Variants in BEGAIN observed in about 807,000 individuals in gnomAD.
BEGAIN encodes the protein brain enriched guanylate kinase associated.
A neutral mutation model predicts 35.8 loss-of-function variants in BEGAIN; 19 were observed. The ratio of observed to expected loss-of-function variants is 0.53; its 90% confidence interval spans 0.37 to 0.78. The LOEUF is 0.78. BEGAIN is among the 30% of genes least tolerant of loss of function. The pLI is 0.00. For missense variants in BEGAIN, 795 were observed against 853.6 expected (o/e 0.93, Z 0.85); for synonymous variants, 462 against 388.6 (o/e 1.19, Z -2.22).
chr14:100,557,028 AG>A (rs2033793924), intron 2 of BEGAIN, among the ~76,000 whole-genome samples: 1 of 152,006 alleles, frequency 6.6e-6, no homozygotes, highest in African/African-American at 2.4e-5. Flanking sequence ...GGCAGGCCAA[AG>A]CCAGGCCCCC....
rs1751266504 is a variant in BEGAIN at position 100,563,637 on chromosome 14, C to T, written c.71+4274G>A. 6.6e-6 allele frequency among the ~76,000 whole-genome samples: 1 copy of T among 152,204 alleles called. No individual in the cohort carries two copies. ...CTGGAGGGACAGTGATGGGGAGAAGCGGTTTCAAGAGTCTGTTCCGATCTT... is the reference window on the plus strand; with the variant it reads ...CTGGAGGGACAGTGATGGGGAGAAGTGGTTTCAAGAGTCTGTTCCGATCTT... On this transcript the variant is annotated intron_variant, in intron 2 of 6. Transcript: ENST00000554140. This position sits in a 1 kb window ranked among gnomAD's most constrained non-coding sequence, Gnocchi z 4.2.
chr14:100,577,906 C>T (rs1314310719), intron 1 of BEGAIN: 2 of 399,074 alleles, frequency 5.0e-6, no homozygotes, highest in African/African-American at 4.1e-5. Context: ...CTGCCTGGGA[C>T]AGGTAGGGTT....
intron 5 of BEGAIN, 91 bp from the exon 6 acceptor site, chr14:100,540,670 T>C (rs1411532132): frequency 6.4e-6 from 6 of 938,002 alleles, no homozygotes; most frequent in Admixed American, 2.0e-5. Context: ...GGGGCAGTGG[T>C]GTGCACAGGG....
Position 100,568,344 on chromosome 14 carries a change from C to T in BEGAIN, c.43-405G>A. On this transcript the variant is annotated intron_variant, in intron 1 of 6. Transcript: ENST00000554140. This position sits in a 1 kb window ranked among gnomAD's most constrained non-coding sequence, Gnocchi z 7.5. ...GCCCGTTAACCCTTCCTGCCCCGCG[C>T]TCCCTCCCGGAGGAAGCCGAACCCC... is the stretch of plus-strand genomic sequence containing the variant. 9.6e-7 allele frequency: 1 copy of T among 1,039,072 alleles called. No individual in the cohort carries two copies. Among genetic ancestry groups the T allele is most frequent in the Non-Finnish European group, 1.3e-6 (1 of 773,926 alleles). 64.4% of individuals were successfully genotyped at this position (1,039,072 alleles called of 1,614,324 possible).
chr14:100,566,027 G>A lies in BEGAIN; in HGVS notation c.71+1884C>T, dbSNP rs371823348. On this transcript the variant is annotated intron_variant, in intron 2 of 6. Coordinates refer to ENST00000554140, the MANE Select transcript of BEGAIN (RefSeq NM_001385089.1). The stretch of plus-strand genomic sequence containing the variant: ...ACTGGGGCAGCCCCGACACTGGCCA[G>A]AAGGGAAGATTCTGGAAAAGCCCTT... Among the ~76,000 whole-genome samples the A allele has an allele frequency of 1.4e-4, 21 of 152,378 alleles. 2 individuals are homozygous for A. In the East Asian group the frequency reaches 2.5e-3, roughly 18 times the overall value.
chr14:100,579,901 A>C (rs1264779273), intron 1 of BEGAIN, among the ~76,000 whole-genome samples: 1 of 152,126 alleles, frequency 6.6e-6, no homozygotes, highest in East Asian at 1.9e-4. Flanking sequence ...CTGGTACCAG[A>C]CACTACCATG....
chr14:100,558,827 C>T lies in BEGAIN; in HGVS notation c.71+9084G>A, dbSNP rs989269598. Reference sequence around the variant, plus strand: ...CAGCCCCATGGCAGTCTCAGCTACTCTCATCTGCTCTCAGCCCGAGACCTC... The same window carrying T: ...CAGCCCCATGGCAGTCTCAGCTACTTTCATCTGCTCTCAGCCCGAGACCTC... On this transcript the variant is annotated intron_variant, in intron 2 of 6. Coordinates refer to ENST00000554140, the MANE Select transcript of BEGAIN (RefSeq NM_001385089.1). This position sits in a 1 kb window ranked among gnomAD's most constrained non-coding sequence, Gnocchi z 4.6. Among the ~76,000 whole-genome samples the T allele has an allele frequency of 3.3e-5, 5 of 152,240 alleles. No homozygotes were observed. The highest frequency in any genetic ancestry group is 4.8e-5 in the African/African-American group (2 of 41,460).
At chr14:100,555,425 TTGTG>T (rs1336470534) in intron 2 of BEGAIN, among the ~76,000 whole-genome samples, 2 of 152,242 alleles carry the variant, frequency 1.3e-5, no homozygotes, top group Non-Finnish European at 2.9e-5. Context: ...ACTCTGTCCT[TTGTG>T]TGGCCTGGAA....
At chr14:100,580,899 T>A (rs141716192) in intron 1 of BEGAIN, among the ~76,000 whole-genome samples, 1 of 152,208 alleles carries the variant, frequency 6.6e-6, no homozygotes, top group African/African-American at 2.4e-5. Flanking sequence ...GGAAACAGGA[T>A]GAGAATATAG....
In BEGAIN at chr14:100,576,726, C is replaced by T. The variant is rs141048435; in HGVS notation, c.43-8787G>A. 7.9e-3 allele frequency among the ~76,000 whole-genome samples: 1,199 copies of T among 152,272 alleles called. 17 individuals carry two copies. The highest frequency in any genetic ancestry group is 0.027 in the African/African-American group (1,131 of 41,532). ...GGGGTGCCAGCCCCTGGATGAGGTCCCATTTGCCCGACGCTCTGCACAGCT... is the reference window on the plus strand; with the variant it reads ...GGGGTGCCAGCCCCTGGATGAGGTCTCATTTGCCCGACGCTCTGCACAGCT... On this transcript the variant is annotated intron_variant, in intron 1 of 6. Transcript: ENST00000554140.
At chr14:100,545,128 G>A in intron 3 of BEGAIN, 62 bp from the exon 4 acceptor site, 1 of 1,608,672 alleles carries the variant, frequency 6.2e-7, no homozygotes. Context: ...GACCCTTATG[G>A]CCGCACAGCC....
chr14:100,546,509 C>T lies in BEGAIN; in HGVS notation c.225G>A (p.Lys75=), dbSNP rs1316277116. ...AQEELEKVTE[K]LRRIQSNYMA... is the part of the protein sequence containing the mutation. ...CTCGCCCCGCCCCTCACCTGCGCAG[C>T]TTCTCCGTGACCTTCTCCAGTTCCT... The change falls in exon 3 of 7, where the codon AAG becomes AAA. Residue 75 remains lysine (K), a synonymous_variant. Transcript: ENST00000554140. 1 of 1,544,274 alleles carries T rather than the reference C, an allele frequency of 6.5e-7. No homozygotes were observed. The highest frequency in any genetic ancestry group is 8.7e-7 in the Non-Finnish European group (1 of 1,152,660).
intron 1 of BEGAIN, among the ~76,000 whole-genome samples, chr14:100,572,323 C>T (rs748091606): frequency 1.1e-4 from 16 of 152,214 alleles, no homozygotes; most frequent in Non-Finnish European, 1.8e-4. Context: ...CCCCTAAATC[C>T]GGCTGATTTC....
At chr14:100,565,282 C>T (rs536831748) in intron 2 of BEGAIN, among the ~76,000 whole-genome samples, 1 of 152,310 alleles carries the variant, frequency 6.6e-6, no homozygotes, top group South Asian at 2.1e-4. Flanking sequence ...GAAGGGCATT[C>T]TCTACAGCAG....
At chr14:100,553,232 G>A (rs1166031962) in intron 2 of BEGAIN, among the ~76,000 whole-genome samples, 1 of 152,104 alleles carries the variant, frequency 6.6e-6, no homozygotes, top group African/African-American at 2.4e-5. Context: ...AGGTGCACCT[G>A]TGTCCCGTTC....
chr14:100,568,260 G>T lies in BEGAIN; in HGVS notation c.43-321C>A. 1 of 637,470 alleles carries T rather than the reference G, an allele frequency of 1.6e-6. No homozygotes were observed. Among genetic ancestry groups the T allele is most frequent in the Non-Finnish European group, 2.3e-6 (1 of 439,094 alleles). The allele number at this position is 637,470 out of a possible 1,614,324, so 39.5% of individuals were successfully genotyped here. Reference sequence around the variant, plus strand: ...ATCTCGGCCTCGCCCGGAGGAGGGGGACTCGGCCTGTCCCCGTTAACTCTC... The same window carrying T: ...ATCTCGGCCTCGCCCGGAGGAGGGGTACTCGGCCTGTCCCCGTTAACTCTC... On this transcript the variant is annotated intron_variant, in intron 1 of 6. Coordinates refer to ENST00000554140, the MANE Select transcript of BEGAIN (RefSeq NM_001385089.1). The surrounding 1 kb of genome is among the most constrained non-coding windows in gnomAD (Gnocchi z 7.5).
At chr14:100,578,409 CTG>C (rs2139758051) in intron 1 of BEGAIN, among the ~76,000 whole-genome samples, 1 of 152,366 alleles carries the variant, frequency 6.6e-6, no homozygotes, top group South Asian at 2.1e-4. Flanking sequence ...GCAGGGCAAA[CTG>C]GAACTGCAGC....
chr14:100,576,047 T>G (rs145934627), intron 1 of BEGAIN, among the ~76,000 whole-genome samples: 2 of 152,078 alleles, frequency 1.3e-5, no homozygotes, highest in Non-Finnish European at 2.9e-5. Flanking sequence ...CCTGTGGTCA[T>G]GACTGACTTT....
chr14:100,539,921 C>T (rs763444442), intron 6 of BEGAIN, among the ~76,000 whole-genome samples: 4 of 152,046 alleles, frequency 2.6e-5, no homozygotes, highest in Non-Finnish European at 5.9e-5. Context: ...GGGAAAGGAA[C>T]GCACAGGCCT....
Sources: gnomAD v4.1 joint callset for allele counts (sites outside exome capture counted in the v4.1 genomes callset) on GRCh38, gnomAD v4.1.1 for gene constraint, Gnocchi (gnomAD v3.1) non-coding constraint, MANE v1.5 for transcripts, NCBI Gene and HGNC (gene_info 2026-07-23, HGNC 2026-07-21) for gene names.